ADGRD1: variants seen among roughly 807,000 people sequenced by gnomAD.
ADGRD1 encodes adhesion G protein-coupled receptor D1, also known as G-protein coupled receptor 133.
Under a neutral mutation model 113.4 loss-of-function variants are expected in ADGRD1, and 77 were observed. That is an observed-to-expected ratio of 0.68 (90% CI 0.57 to 0.82). ADGRD1 has a LOEUF of 0.82. Among genes scored for constraint, ADGRD1 ranks in the 40% least tolerant of loss-of-function variants. The pLI is 0.00. For synonymous variants in ADGRD1, 474 were observed against 475.0 expected, an observed-to-expected ratio of 1.00 and a Z score of 0.03; for missense variants, 1,036 against 1,139.1, an observed-to-expected ratio of 0.91 and a Z score of 1.30.
intron 19 of ADGRD1, among the ~76,000 whole-genome samples, chr12:131,120,349 T>C (rs760016179): frequency 6.6e-6 from 1 of 152,232 alleles, no homozygotes; most frequent in East Asian, 1.9e-4. Context: ...ATCCTCAAAC[T>C]GGACCCTCCT....
At position 131,084,173 on chromosome 12, in the gene ADGRD1, C is replaced by A. The variant is rs531241620; in HGVS notation, c.1548-367C>A. 1.3e-5 allele frequency among the ~76,000 whole-genome samples: 2 copies of A among 152,220 alleles called. No individual in the cohort carries two copies. The highest frequency in any genetic ancestry group is 2.9e-5 in the Non-Finnish European group (2 of 68,040). On this transcript the variant is annotated intron_variant, in intron 14 of 24. Coordinates refer to ENST00000261654, the MANE Select transcript of ADGRD1 (RefSeq NM_198827.5). The surrounding 1 kb of genome is among the most constrained non-coding windows in gnomAD (Gnocchi z 4.5). ...GACTGGGCTTGAATGTGGTCCCTGG[C>A]GTGTGCCGCTGCCCGTTCTCTAGGC...
intron 18 of ADGRD1, 76 bp downstream of exon 18, chr12:131,108,953 C>T: frequency 2.1e-6 from 1 of 465,612 alleles, no homozygotes. Context: ...GCAGGTAGGA[C>T]AGGATGAGAC....
chr12:131,138,762 G>A (rs1951172209), intron 24 of ADGRD1, among the ~76,000 whole-genome samples: 2 of 152,354 alleles, frequency 1.3e-5, no homozygotes, highest in African/African-American at 4.8e-5. Context: ...TGCTCCATGG[G>A]AGCTGGCTGG....
chr12:131,057,409 C>T lies in ADGRD1; in HGVS notation c.1474-19392C>T, dbSNP rs1357223366. On this transcript the variant is annotated intron_variant, in intron 13 of 24. Transcript: ENST00000261654. The surrounding 1 kb of genome is among the most constrained non-coding windows in gnomAD (Gnocchi z 4.2). ...TGCTGTGGCCGTTTCCTAGGGCCAC[C>T]GTGACAAATGGCTAGTGGCTTTAAA... Among the ~76,000 whole-genome samples the T allele has an allele frequency of 1.3e-5, 2 of 152,142 alleles. No homozygotes were observed. The highest frequency in any genetic ancestry group is 2.9e-5 in the Non-Finnish European group (2 of 68,020).
chr12:131,018,428 C>T (rs117832318), intron 13 of ADGRD1, among the ~76,000 whole-genome samples: 665 of 152,104 alleles, frequency 4.4e-3, no homozygotes, highest in Non-Finnish European at 6.4e-3. Flanking sequence ...TCTTAGAGAT[C>T]GGTTCATCCC....
intron 13 of ADGRD1, among the ~76,000 whole-genome samples, chr12:131,055,021 A>T (rs1428605892): frequency 2.0e-5 from 3 of 152,110 alleles, no homozygotes; most frequent in Admixed American, 2.0e-4. Flanking sequence ...TTATGTTTCT[A>T]TCCTGTTTCT....
chr12:131,014,650 G>A (rs559803475), intron 13 of ADGRD1, among the ~76,000 whole-genome samples: 2 of 152,316 alleles, frequency 1.3e-5, no homozygotes, highest in Admixed American at 6.5e-5. Flanking sequence ...TACTGGAGGA[G>A]GGGGGTACCT....
rs150620459 is a variant in ADGRD1 at position 131,076,822 on chromosome 12, G to T, written c.1495G>T (p.Ala499Ser). The change falls in exon 14 of 25, where the codon GCC becomes TCC. Residue 499 changes from alanine (A) to serine (S), a missense_variant. Ala to Ser is a moderately conservative substitution (Grantham distance 99, BLOSUM62 1). Transcript: ENST00000261654. ...TCAGACACGTAAGCAGCACAGTGAG[G>T]CCACCAACAGCAGCAACCGAGTCTT... ...HRLTRKQHSE[A>S]TNSSNRVFVY... 3.7e-6 allele frequency: 6 copies of T among 1,614,090 alleles called. No individual in the cohort carries two copies. The highest frequency in any genetic ancestry group is 5.1e-6 in the Non-Finnish European group (6 of 1,179,974).
rs376313376 is a variant in ADGRD1 at position 131,131,000 on chromosome 12, A to T, written c.2176-725A>T. 2.4e-4 allele frequency among the ~76,000 whole-genome samples: 36 copies of T among 152,328 alleles called. No homozygotes were observed. In the South Asian group the frequency reaches 7.0e-3, roughly 30 times the overall value. ...TCTGTACACGGCCTCAGAATTTTTC[A>T]GACACAAGGGAGAAGGCTAACCCTC... On this transcript the variant is annotated intron_variant, in intron 20 of 24. Coordinates refer to ENST00000261654, the MANE Select transcript of ADGRD1 (RefSeq NM_198827.5).
At chr12:131,072,640 G>C (rs1885277024) in intron 13 of ADGRD1, among the ~76,000 whole-genome samples, 1 of 152,212 alleles carries the variant, frequency 6.6e-6, no homozygotes. Flanking sequence ...TCTGTGGTCA[G>C]GACTTATTCC....
chr12:131,048,207 G>A (rs116555070), intron 13 of ADGRD1, among the ~76,000 whole-genome samples: 322 of 152,366 alleles, frequency 2.1e-3, no homozygotes, highest in African/African-American at 7.5e-3. Flanking sequence ...AAGGCTGAGG[G>A]CGCAGGGTCA....
intron 10 of ADGRD1, 49 bp from the exon 11 acceptor site, chr12:131,004,137 G>C: frequency 8.4e-7 from 1 of 1,186,206 alleles, no homozygotes; most frequent in South Asian, 1.2e-5. Context: ...ATTTCCTGCA[G>C]CCTGTGAGCT....
At chr12:131,130,962 A>T (rs924263010) in intron 20 of ADGRD1, among the ~76,000 whole-genome samples, 1 of 151,990 alleles carries the variant, frequency 6.6e-6, no homozygotes, top group Non-Finnish European at 1.5e-5. Flanking sequence ...CTGGAACTGG[A>T]CTCCTTGCTG....
intron 2 of ADGRD1, among the ~76,000 whole-genome samples, chr12:130,955,417 AGCCACATTCCATTG>A (rs1869438302): frequency 6.6e-6 from 1 of 152,138 alleles, no homozygotes; most frequent in African/African-American, 2.4e-5. Context: ...CCAGCCCCAG[AGCCACATTCCATTG>A]GCCATTGTGA....
intron 13 of ADGRD1, among the ~76,000 whole-genome samples, chr12:131,061,447 C>G (rs1304774774): frequency 6.6e-6 from 1 of 152,224 alleles, no homozygotes; most frequent in Non-Finnish European, 1.5e-5. Flanking sequence ...CCTCTTCTCG[C>G]CTGCCCACGC....
chr12:131,015,163 G>A (rs373319908), intron 13 of ADGRD1, among the ~76,000 whole-genome samples: 9 of 152,274 alleles, frequency 5.9e-5, no homozygotes, highest in Admixed American at 2.0e-4. Context: ...GACTCTGTGC[G>A]CATACCTGGG....
At chr12:131,129,210 C>T (rs112820220) in intron 20 of ADGRD1, among the ~76,000 whole-genome samples, 4,054 of 100,630 alleles carry the variant, frequency 0.04, 227 homozygotes, top group African/African-American at 0.11. Flanking sequence ...GTGACAGCCC[C>T]GCCCTGCTGT....
intron 9 of ADGRD1, among the ~76,000 whole-genome samples, chr12:131,001,063 G>C (rs1287086644): frequency 6.6e-6 from 1 of 152,028 alleles, no homozygotes; most frequent in Non-Finnish European, 1.5e-5. Flanking sequence ...GGTTCATCCT[G>C]GTCATTTCAT....
chr12:131,055,108 G>A (rs1235702116), intron 13 of ADGRD1, among the ~76,000 whole-genome samples: 1 of 152,192 alleles, frequency 6.6e-6, no homozygotes, highest in African/African-American at 2.4e-5. Context: ...TAAGAAATAC[G>A]CTTAATTTGT....
Sources: allele counts gnomAD v4.1 joint callset (sites outside exome capture counted in the v4.1 genomes callset), GRCh38; gene constraint gnomAD v4.1.1; non-coding constraint Gnocchi (gnomAD v3.1); transcripts MANE v1.5; gene names NCBI Gene and HGNC (gene_info 2026-07-23, HGNC 2026-07-21).